LHFPL3: variants seen among roughly 807,000 people sequenced by gnomAD.
LHFPL3 encodes the protein LHFPL tetraspan subfamily member 3 protein.
In LHFPL3, 5 loss-of-function variants were observed where a neutral mutation model predicts 19.3. The observed-to-expected ratio is 0.26, with a 90% CI of 0.14 to 0.54. The LOEUF is 0.54. Among genes scored for constraint, LHFPL3 ranks in the 20% least tolerant of loss-of-function variants. The pLI is 0.94. For synonymous variants in LHFPL3, 133 were observed against 126.2 expected, an observed-to-expected ratio of 1.05 and a Z score of -0.36; for missense variants, 249 against 307.4, an observed-to-expected ratio of 0.81 and a Z score of 1.42.
intron 2 of LHFPL3, among the ~76,000 whole-genome samples, chr7:104,797,723 G>A (rs1334361089): frequency 6.6e-6 from 1 of 150,606 alleles, no homozygotes; most frequent in African/African-American, 2.4e-5. Flanking sequence ...AGACCAGCCT[G>A]GGTACCAATG....
chr7:104,520,953 T>C (rs1438886770), intron 1 of LHFPL3, among the ~76,000 whole-genome samples: 4 of 150,108 alleles, frequency 2.7e-5, no homozygotes, highest in Non-Finnish European at 4.5e-5. Flanking sequence ...TTCCTTCAGT[T>C]CTTCTCTGAT....
chr7:104,805,153 A>T (rs1005448987), intron 2 of LHFPL3, among the ~76,000 whole-genome samples: 2 of 152,130 alleles, frequency 1.3e-5, no homozygotes, highest in African/African-American at 2.4e-5. Flanking sequence ...GCTGACTTCC[A>T]TTTACCTTTC....
intron 1 of LHFPL3, among the ~76,000 whole-genome samples, chr7:104,426,047 C>T (rs1791837726): frequency 6.6e-6 from 1 of 152,202 alleles, no homozygotes; most frequent in African/African-American, 2.4e-5. Context: ...TAGCTTCAAA[C>T]ACACACAGTA....
At chr7:104,731,626 G>A (rs1448044974) in intron 1 of LHFPL3, among the ~76,000 whole-genome samples, 1 of 151,882 alleles carries the variant, frequency 6.6e-6, no homozygotes, top group Non-Finnish European at 1.5e-5. Context: ...ACTTTGGGCT[G>A]AGATGATGGG....
chr7:104,633,649 A>G (rs567962083), intron 1 of LHFPL3, among the ~76,000 whole-genome samples: 79 of 152,354 alleles, frequency 5.2e-4, no homozygotes, highest in African/African-American at 1.8e-3. Flanking sequence ...ATGGCAGTGA[A>G]GGATCATTTT....
chr7:104,376,758 C>G (rs537283358), intron 1 of LHFPL3, among the ~76,000 whole-genome samples: 1 of 152,278 alleles, frequency 6.6e-6, no homozygotes, highest in Non-Finnish European at 1.5e-5. Context: ...TGGCGACACT[C>G]CTCCTTGCCC....
intron 1 of LHFPL3, among the ~76,000 whole-genome samples, chr7:104,435,994 A>G (rs2116569479): frequency 6.6e-6 from 1 of 152,206 alleles, no homozygotes; most frequent in Middle Eastern, 3.4e-3. Context: ...GAGAATGTCT[A>G]GTGTTTTGAG....
At chr7:104,489,906 C>T (rs1320146509) in intron 1 of LHFPL3, among the ~76,000 whole-genome samples, 1 of 152,186 alleles carries the variant, frequency 6.6e-6, no homozygotes, top group African/African-American at 2.4e-5. Context: ...AGCCTCCTCA[C>T]TGCTGACACC....
intron 1 of LHFPL3, among the ~76,000 whole-genome samples, chr7:104,656,987 G>A (rs1792132828): frequency 6.6e-6 from 1 of 152,148 alleles, no homozygotes; most frequent in African/African-American, 2.4e-5. Flanking sequence ...CTGGAAAGAA[G>A]GTCATGGCCT....
At chr7:104,517,317 A>G (rs1256556398) in intron 1 of LHFPL3, among the ~76,000 whole-genome samples, 1 of 152,076 alleles carries the variant, frequency 6.6e-6, no homozygotes, top group Non-Finnish European at 1.5e-5. Context: ...AAAAATTGTT[A>G]ACCTTAAAAA....
At chr7:104,869,299 G>A (rs1031144352) in intron 2 of LHFPL3, among the ~76,000 whole-genome samples, 5 of 152,190 alleles carry the variant, frequency 3.3e-5, no homozygotes, top group Non-Finnish European at 7.3e-5. Context: ...AGGGTAAACA[G>A]GGAACCTACA....
At chr7:104,846,427 T>A (rs2116603876) in intron 2 of LHFPL3, among the ~76,000 whole-genome samples, 1 of 152,256 alleles carries the variant, frequency 6.6e-6, no homozygotes, top group Non-Finnish European at 1.5e-5. Context: ...GGGGCTCTCA[T>A]GAGATATGAC....
intron 1 of LHFPL3, among the ~76,000 whole-genome samples, chr7:104,434,102 G>T (rs1358861843): frequency 2.6e-5 from 4 of 152,112 alleles, no homozygotes; most frequent in African/African-American, 9.7e-5. Flanking sequence ...CAATTTAAAA[G>T]CATTAGTATT....
chr7:104,877,507 A>C (rs568663030), intron 2 of LHFPL3, among the ~76,000 whole-genome samples: 6 of 152,210 alleles, frequency 3.9e-5, no homozygotes, highest in Non-Finnish European at 7.3e-5. Flanking sequence ...TGTCCAATAA[A>C]TACATGAAAA....
At chr7:104,419,169 G>T (rs891715302) in intron 1 of LHFPL3, among the ~76,000 whole-genome samples, 3 of 151,964 alleles carry the variant, frequency 2.0e-5, no homozygotes, top group Non-Finnish European at 4.4e-5. Flanking sequence ...AAACTCCAAG[G>T]TATATTGGTA....
At chr7:104,504,004 T>C (rs570674014) in intron 1 of LHFPL3, among the ~76,000 whole-genome samples, 2 of 152,246 alleles carry the variant, frequency 1.3e-5, no homozygotes, top group Non-Finnish European at 2.9e-5. Flanking sequence ...TCATCACACT[T>C]ATGCAATCCA....
intron 1 of LHFPL3, among the ~76,000 whole-genome samples, chr7:104,631,673 A>G (rs766899380): frequency 6.6e-6 from 1 of 152,206 alleles, no homozygotes; most frequent in Non-Finnish European, 1.5e-5. Flanking sequence ...AGCTTTTGCT[A>G]TTCCTTCAAT....
At chr7:104,339,440 T>G (rs34429042) in intron 1 of LHFPL3, among the ~76,000 whole-genome samples, 37,626 of 152,000 alleles carry the variant, frequency 0.25, 5,223 homozygotes, top group East Asian at 0.4. Flanking sequence ...ATAGGTGGTT[T>G]GAGCCAAAAT....
chr7:104,729,796 G>A (rs1267143659), intron 1 of LHFPL3, among the ~76,000 whole-genome samples: 1 of 152,010 alleles, frequency 6.6e-6, no homozygotes, highest in Non-Finnish European at 1.5e-5. Flanking sequence ...TGCACAACAT[G>A]CAGATTTGTT....
Sources: gnomAD v4.1 joint callset for allele counts (sites outside exome capture counted in the v4.1 genomes callset) on GRCh38, gnomAD v4.1.1 for gene constraint, MANE v1.5 for transcripts, NCBI Gene and HGNC (gene_info 2026-07-23, HGNC 2026-07-21) for gene names.